CHMP2B: variants seen among roughly 807,000 people sequenced by gnomAD.
CHMP2B encodes charged multivesicular body protein 2B, also known as VPS2 homolog B.
CHMP2B carries 22 observed loss-of-function variants against 29.8 expected under a neutral mutation model. That is an observed-to-expected ratio of 0.74 (90% CI 0.53 to 1.05). CHMP2B has a LOEUF of 1.05. Among genes scored for constraint, CHMP2B ranks in the 50% least tolerant of loss-of-function variants. CHMP2B has a pLI of 0.00. For synonymous variants in CHMP2B, 78 were observed against 75.8 expected (o/e 1.03, Z -0.15); for missense variants, 261 against 252.2 (o/e 1.03, Z -0.24).
At position 87,240,700 on chromosome 3, in the gene CHMP2B, T is replaced by G. The variant is rs141196445; in HGVS notation, c.36T>G (p.Asp12Glu). 2 of 1,604,048 alleles carry G rather than the reference T, an allele frequency of 1.2e-6. No homozygotes were observed. The highest frequency in any genetic ancestry group is 1.7e-6 in the Non-Finnish European group (2 of 1,170,920). Residue 12 changes from aspartate to glutamate, a missense_variant and splice_region_variant, in exon 2 of 6, where the codon GAT (aspartate) becomes GAG (glutamate). Physicochemically the swap from Asp to Glu is conservative, Grantham distance 45 (BLOSUM62 2). Coordinates refer to ENST00000263780, the MANE Select transcript of CHMP2B (RefSeq NM_014043.4). ...AGGTTTCTTTTGTGATTCTCCTAGATGTAATAAAGGAACAGAATCGAGAGT... is the reference window on the plus strand; with the variant it reads ...AGGTTTCTTTTGTGATTCTCCTAGAGGTAATAAAGGAACAGAATCGAGAGT... ...ASLFKKKTVD[D>E]VIKEQNRELR... is the part of the protein sequence containing the mutation.
chr3:87,244,054 GT>G (rs535788695), intron 2 of CHMP2B, among the ~76,000 whole-genome samples: 18 of 126,738 alleles, frequency 1.4e-4, no homozygotes, highest in East Asian at 2.2e-4. Flanking sequence ...GTTTTTTGTT[GT>G]TTTTTTTTTT....
chr3:87,253,316 A>G (rs935032035), intron 4 of CHMP2B, 88 bp from the exon 5 acceptor site: 1 of 808,754 alleles, frequency 1.2e-6, no homozygotes, highest in Admixed American at 1.8e-5. Flanking sequence ...GTAATATACA[A>G]AATAGTTGGG....
chr3:87,248,895 T>C (rs776557327), intron 3 of CHMP2B, among the ~76,000 whole-genome samples: 2 of 152,216 alleles, frequency 1.3e-5, no homozygotes, highest in Non-Finnish European at 2.9e-5. Context: ...TCTTTTAATA[T>C]ACTGAATTAG....
intron 1 of CHMP2B, among the ~76,000 whole-genome samples, chr3:87,235,918 T>C (rs1379204387): frequency 6.6e-6 from 1 of 152,210 alleles, no homozygotes; most frequent in Admixed American, 6.5e-5. Context: ...GATAATTCAC[T>C]AGGACAACTC....
chr3:87,227,556 G>A lies in CHMP2B; in HGVS notation c.34G>A (p.Asp12Asn). The change falls in exon 1 of 6, where the codon GAT becomes AAT. Residue 12 changes from aspartate (D) to asparagine (N), a missense_variant and splice_region_variant. Coordinates refer to ENST00000263780, the MANE Select transcript of CHMP2B (RefSeq NM_014043.4). ...ASLFKKKTVD[D>N]VIKEQNRELR... is the part of the protein sequence containing the mutation. The stretch of plus-strand genomic sequence containing the variant: ...CCTCTTCAAGAAGAAAACCGTGGAT[G>A]GTGAGTTCCAGGCCGGGCTGAAGGG... 6.2e-7 allele frequency: 1 copy of A among 1,614,166 alleles called. No homozygotes were observed. The highest frequency in any genetic ancestry group is 1.1e-5 in the South Asian group (1 of 91,074).
intron 4 of CHMP2B, among the ~76,000 whole-genome samples, chr3:87,251,502 T>G (rs1706312105): frequency 6.6e-6 from 1 of 151,994 alleles, no homozygotes; most frequent in Non-Finnish European, 1.5e-5. Context: ...ATTTGTATTT[T>G]AATACATTAC....
Position 87,254,239 on chromosome 3 carries a change from T to C in CHMP2B, c.*417T>C, listed in dbSNP as rs535402661. The stretch of plus-strand genomic sequence containing the variant: ...TTAATTCTGTATCTGTTGCTTGTCT[T>C]TTGTAAGTGATTATGTGTTATGACC... On this transcript the variant is annotated 3_prime_UTR_variant, in exon 6 of 6. Transcript: ENST00000263780. The C allele has an allele frequency of 5.5e-6, 1 of 182,322 alleles. No individual in the cohort carries two copies. The highest frequency in any genetic ancestry group is 5.7e-5 in the Admixed American group (1 of 17,590). 11.3% of individuals were successfully genotyped at this position (182,322 alleles called of 1,614,324 possible).
chr3:87,255,029 A>G lies in CHMP2B; in HGVS notation c.*1207A>G, dbSNP rs1412368395. 6.6e-6 allele frequency: 1 copy of G among 152,012 alleles called. No individual in the cohort carries two copies. 9.4% of individuals were successfully genotyped at this position (152,012 alleles called of 1,614,324 possible). A position where few individuals can be genotyped will look rare whatever the true frequency, so the allele number is the denominator to read the frequency against. On this transcript the variant is annotated 3_prime_UTR_variant, in exon 6 of 6. Transcript: ENST00000263780. ...GAAGGATTGCCAGACTAGTTAGAAT[A>G]GAATTTAGGATTAGGTTAGTTTTGA...
At chr3:87,232,975 C>T (rs1196515240) in intron 1 of CHMP2B, among the ~76,000 whole-genome samples, 1 of 152,048 alleles carries the variant, frequency 6.6e-6, no homozygotes, top group African/African-American at 2.4e-5. Context: ...TTGAGAGTTA[C>T]TAGTAGGAGA....
At chr3:87,231,574 C>A (rs771125256) in intron 1 of CHMP2B, among the ~76,000 whole-genome samples, 19 of 152,070 alleles carry the variant, frequency 1.2e-4, no homozygotes, top group Non-Finnish European at 2.1e-4. Flanking sequence ...TTTATGAAAT[C>A]TCTGGCACCA....
In CHMP2B at chr3:87,254,458, A is replaced by ATT. The variant is rs1191879574; in HGVS notation, c.*637_*638dup. ...ACAGACCTATTGTGCACATCTTTAA[A>ATT]TTATTTCAGCTGGCAGAAAAGAATT... is the stretch of plus-strand genomic sequence containing the variant. On this transcript the variant is annotated 3_prime_UTR_variant, in exon 6 of 6. Coordinates refer to ENST00000263780, the MANE Select transcript of CHMP2B (RefSeq NM_014043.4). 4 of 152,494 alleles carry ATT rather than the reference A, an allele frequency of 2.6e-5. No individual in the cohort carries two copies. The highest frequency in any genetic ancestry group is 9.6e-5 in the African/African-American group (4 of 41,454). The allele number at this position is 152,494 out of a possible 1,614,324, so 9.4% of individuals were successfully genotyped here.
rs375575660 is a variant in CHMP2B, at chr3:87,253,443, A to G, written c.464A>G (p.Asp155Gly). The G allele has an allele frequency of 9.9e-6, 16 of 1,611,796 alleles. No individual in the cohort carries two copies. In the African/African-American group the frequency reaches 2.0e-4, roughly 20 times the overall value. ...GATGACATCTTTGACGGTTCTGATG[A>G]CGAAGAAGAAAGCCAGGATATTGTG... ...TLDDIFDGSD[D>G]EEESQDIVNQ... Residue 155 changes from aspartate to glycine, a missense_variant, in exon 5 of 6, where the codon GAC (aspartate) becomes GGC (glycine). Physicochemically the swap from Asp to Gly is moderately conservative, Grantham distance 94. Transcript: ENST00000263780.
intron 1 of CHMP2B, among the ~76,000 whole-genome samples, chr3:87,232,202 G>A (rs906452629): frequency 6.6e-6 from 1 of 152,122 alleles, no homozygotes; most frequent in Non-Finnish European, 1.5e-5. Context: ...TTGCCTCATT[G>A]GGATGATATT....
chr3:87,227,422 G>A lies in CHMP2B; in HGVS notation c.-101G>A. The stretch of plus-strand genomic sequence containing the variant: ...CCTCCTCCTGCTGTCTCTCCGCTCC[G>A]CCACCCCGAACCCGCCAAGGTCCTG... On this transcript the variant is annotated 5_prime_UTR_variant, in exon 1 of 6. Transcript: ENST00000263780. 1 of 1,419,598 alleles carries A rather than the reference G, an allele frequency of 7.0e-7. No homozygotes were observed. Among genetic ancestry groups the A allele is most frequent in the Non-Finnish European group, 1.0e-6 (1 of 1,004,950 alleles). 87.9% of individuals were successfully genotyped at this position (1,419,598 alleles called of 1,614,324 possible).
chr3:87,237,102 G>A (rs527377748), intron 1 of CHMP2B, among the ~76,000 whole-genome samples: 1 of 152,314 alleles, frequency 6.6e-6, no homozygotes, highest in East Asian at 1.9e-4. Context: ...GTGTTTGGGT[G>A]TTGGCGGATG....
At chr3:87,227,772 C>T (rs1201725397) in intron 1 of CHMP2B, among the ~76,000 whole-genome samples, 1 of 152,218 alleles carries the variant, frequency 6.6e-6, no homozygotes, top group Admixed American at 6.5e-5. Flanking sequence ...CTTCCCTATC[C>T]TCACGATTCC....
intron 3 of CHMP2B, among the ~76,000 whole-genome samples, chr3:87,246,137 CTTCTT>C (rs1162174962): frequency 6.6e-6 from 1 of 150,444 alleles, no homozygotes; most frequent in African/African-American, 2.5e-5. Flanking sequence ...CGTTTTCTTT[CTTCTT>C]TTCTTTTTTT....
chr3:87,251,626 C>T (rs2106914825), intron 4 of CHMP2B, among the ~76,000 whole-genome samples: 1 of 151,956 alleles, frequency 6.6e-6, no homozygotes, highest in African/African-American at 2.4e-5. Flanking sequence ...ACAATATTTT[C>T]ATCCAAAAAT....
intron 1 of CHMP2B, among the ~76,000 whole-genome samples, chr3:87,227,827 A>C (rs771663559): frequency 2.6e-5 from 4 of 152,176 alleles, no homozygotes; most frequent in Non-Finnish European, 5.9e-5. Flanking sequence ...CGTTTCGAGG[A>C]GGCTAGCTGG....
Sources: gnomAD v4.1 joint callset for allele counts (sites outside exome capture counted in the v4.1 genomes callset) on GRCh38, gnomAD v4.1.1 for gene constraint, MANE v1.5 for transcripts, NCBI Gene and HGNC (gene_info 2026-07-23, HGNC 2026-07-21) for gene names.